KCNS1: variants seen among roughly 807,000 people sequenced by gnomAD.
KCNS1 encodes the protein delayed-rectifier potassium channel regulatory subunit KCNS1.
KCNS1 carries 26 observed loss-of-function variants against 33.1 expected under a neutral mutation model. That is an observed-to-expected ratio of 0.79 (90% CI 0.58 to 1.09). The LOEUF is 1.09. KCNS1 is among the 50% of genes least tolerant of loss of function. The pLI is 0.00. For missense variants in KCNS1, 702 were observed against 752.4 expected, an observed-to-expected ratio of 0.93 and a Z score of 0.78; for synonymous variants, 299 against 338.8, an observed-to-expected ratio of 0.88 and a Z score of 1.29.
Position 45,100,950 on chromosome 20 carries a change from T to C in KCNS1, c.-33A>G, listed in dbSNP as rs146001013. The C allele has an allele frequency of 0.017, 2,611 of 152,450 alleles. 21 individuals carry two copies. The highest frequency in any genetic ancestry group is 0.034 in the South Asian group (166 of 4,832). The allele number at this position is 152,450 out of a possible 1,614,324, so 9.4% of individuals were successfully genotyped here. On this transcript the variant is annotated 5_prime_UTR_variant, in exon 1 of 4. Coordinates refer to ENST00000537075, the MANE Select transcript of KCNS1 (RefSeq NM_001322799.2). ...GGTGGCACCTCCCGGGCGCCTCGCG[T>C]GTCTGTCCCAAAGCCACCGAGGCTG...
At position 45,094,019 on chromosome 20, in the gene KCNS1, T is replaced by TCTTG. The variant is rs1287319959; in HGVS notation, c.*847_*850dup. 3 of 152,286 alleles carry TCTTG rather than the reference T, an allele frequency of 2.0e-5. No individual in the cohort carries two copies. Among genetic ancestry groups the TCTTG allele is most frequent in the Non-Finnish European group, 4.4e-5 (3 of 68,102 alleles). The allele number at this position is 152,286 out of a possible 1,614,324, so 9.4% of individuals were successfully genotyped here. ...GGATTGGACCACTTTACACAGCAGG[T>TCTTG]CTTGGCGCAGCTAGGTTGTCTAGAT... On this transcript the variant is annotated 3_prime_UTR_variant, in exon 4 of 4. Transcript: ENST00000537075.
rs111358629 is a variant in KCNS1, at chr20:45,096,532, C to A, written c.1110+1130G>T. ...CAGTATCCTGAGGGCATACAAGAGG[C>A]TTTACTAAGCCATGGGTGGAAGGGA... On this transcript the variant is annotated intron_variant, in intron 3 of 3. Transcript: ENST00000537075. Among the ~76,000 whole-genome samples the A allele has an allele frequency of 2.6e-5, 4 of 152,274 alleles. 1 individual carries two copies. Among genetic ancestry groups the A allele is most frequent in the African/African-American group, 9.6e-5 (4 of 41,536 alleles).
chr20:45,096,178 G>T (rs1981179089), intron 3 of KCNS1, among the ~76,000 whole-genome samples: 1 of 152,210 alleles, frequency 6.6e-6, no homozygotes, highest in Non-Finnish European at 1.5e-5. Context: ...CTTGGGTAGA[G>T]CCAGAGAATC....
intron 3 of KCNS1, among the ~76,000 whole-genome samples, chr20:45,096,956 C>T (rs1285490103): frequency 1.3e-5 from 2 of 152,262 alleles, no homozygotes; most frequent in African/African-American, 4.8e-5. Flanking sequence ...CCTTGCCTCC[C>T]TCTTCAAACC....
chr20:45,099,277 A>G, intron 1 of KCNS1, 38 bp from the exon 2 acceptor site: 1 of 1,097,236 alleles, frequency 9.1e-7, no homozygotes, highest in Non-Finnish European at 1.4e-6. Flanking sequence ...TCAGCCTGCC[A>G]TCGATTTACT....
chr20:45,097,226 C>T (rs1981212625), intron 3 of KCNS1, among the ~76,000 whole-genome samples: 1 of 152,216 alleles, frequency 6.6e-6, no homozygotes, highest in African/African-American at 2.4e-5. Context: ...TGGGGCTATT[C>T]CTAGACTTTA....
chr20:45,093,294 A>G lies in KCNS1; in HGVS notation c.*1576T>C, dbSNP rs888747423. The G allele has an allele frequency of 1.2e-4, 19 of 152,152 alleles. No individual in the cohort carries two copies. Among genetic ancestry groups the G allele is most frequent in the African/African-American group, 4.6e-4 (19 of 41,432 alleles). The allele number at this position is 152,152 out of a possible 1,614,324, so 9.4% of individuals were successfully genotyped here. A position where few individuals can be genotyped will look rare whatever the true frequency, so the allele number is the denominator to read the frequency against. On this transcript the variant is annotated 3_prime_UTR_variant, in exon 4 of 4. Transcript: ENST00000537075. ...GAAGAACCTACAAGGAATATATTGT[A>G]AAAACTTCAAGAACCAAGCAGGGAC...
At position 45,095,168 on chromosome 20, in the gene KCNS1, A is replaced by G. The variant is rs753235667; in HGVS notation, c.1283T>C (p.Val428Ala). ...SMTTVGYGDV[V>A]PVTVAGKLAA... ...CAGCTTGCCAGCCACCGTCACTGGC[A>G]CCACATCCCCATAGCCCACGGTGGT... is the stretch of plus-strand genomic sequence containing the variant. Residue 428 changes from valine (V) to alanine (A), a missense_variant, in exon 4 of 4, where the codon GTG (valine) becomes GCG (alanine). This residue lies in a region of KCNS1 where 253 missense variants were observed against 327.4 expected (regional missense o/e 0.77). Transcript: ENST00000537075. 1 of 1,614,060 alleles carries G rather than the reference A, an allele frequency of 6.2e-7. No homozygotes were observed. The highest frequency in any genetic ancestry group is 1.7e-5 in the Admixed American group (1 of 60,022).
chr20:45,098,556 C>G lies in KCNS1; in HGVS notation c.216G>C (p.Pro72=), dbSNP rs780395600. ...CCTGCAGGCGGCCCAGCCGCGTGCC[C>G]GGGAAGCGCGCCAGGGCGCGCGCGC... ...QLSARALARF[P]GTRLGRLQAA... Residue 72 remains proline (P), a synonymous_variant, in exon 3 of 4, where the codon CCG becomes CCC. Transcript: ENST00000537075. The surrounding 1 kb of genome is among the most constrained non-coding windows in gnomAD (Gnocchi z 5.2). The G allele has an allele frequency of 7.1e-7, 1 of 1,403,792 alleles. No homozygotes were observed. The highest frequency in any genetic ancestry group is 9.3e-7 in the Non-Finnish European group (1 of 1,077,336). 87.0% of individuals were successfully genotyped at this position (1,403,792 alleles called of 1,614,324 possible). A position where few individuals can be genotyped will look rare whatever the true frequency, so the allele number is the denominator to read the frequency against.
Position 45,095,351 on chromosome 20 carries a change from A to C in KCNS1, c.1111-11T>G, listed in dbSNP as rs781335617. ...CTCACGGTAGCTGTGCTGAAAGAGA[A>C]TGTAGAAAGCCAAGTCAGAGTGGAT... On this transcript the variant is annotated splice_polypyrimidine_tract_variant and intron_variant, in intron 3 of 3. Transcript: ENST00000537075. 6.2e-7 allele frequency: 1 copy of C among 1,606,720 alleles called. No homozygotes were observed. Among genetic ancestry groups the C allele is most frequent in the Admixed American group, 1.7e-5 (1 of 59,712 alleles).
intron 3 of KCNS1, among the ~76,000 whole-genome samples, chr20:45,096,053 T>C (rs770203299): frequency 2.0e-5 from 3 of 152,322 alleles, no homozygotes. Flanking sequence ...AAGAATTACC[T>C]GGTCCCAAAT....
rs1981306562 is a variant in KCNS1, at chr20:45,098,866, T to G, written c.77-171A>C. On this transcript the variant is annotated intron_variant, in intron 2 of 3. Transcript: ENST00000537075. The surrounding 1 kb of genome is among the most constrained non-coding windows in gnomAD (Gnocchi z 5.2). ...TGTCAGGTGCCCTCTGGACTCAGAG[T>G]CAGGCCTGGCTTTGACTATCCTTCA... 6.6e-6 allele frequency among the ~76,000 whole-genome samples: 1 copy of G among 151,892 alleles called. No homozygotes were observed. Among genetic ancestry groups the G allele is most frequent in the African/African-American group, 2.4e-5 (1 of 41,354 alleles).
chr20:45,098,551 G>C lies in KCNS1; in HGVS notation c.221C>G (p.Thr74Arg), dbSNP rs1336591761. ...CGCGGCCTGCAGGCGGCCCAGCCGC[G>C]TGCCCGGGAAGCGCGCCAGGGCGCG... ...SARALARFPGTRLGRLQAAAS... is the reference protein window; with the variant it reads ...SARALARFPGRRLGRLQAAAS... The change falls in exon 3 of 4, where the codon ACG becomes AGG. Residue 74 changes from threonine to arginine, a missense_variant. Thr to Arg is a moderately conservative substitution (Grantham distance 71, BLOSUM62 -1). Transcript: ENST00000537075. The surrounding 1 kb of genome is among the most constrained non-coding windows in gnomAD (Gnocchi z 5.2). 2.1e-6 allele frequency: 3 copies of C among 1,417,006 alleles called. No homozygotes were observed. Among genetic ancestry groups the C allele is most frequent in the Admixed American group, 3.0e-5 (1 of 33,220 alleles). The allele number at this position is 1,417,006 out of a possible 1,614,324, so 87.8% of individuals were successfully genotyped here.
rs754561692 is a variant in KCNS1 at position 45,094,144 on chromosome 20, G to A, written c.*726C>T. 2 of 152,196 alleles carry A rather than the reference G, an allele frequency of 1.3e-5. No homozygotes were observed. Among genetic ancestry groups the A allele is most frequent in the Admixed American group, 6.5e-5 (1 of 15,276 alleles). The allele number at this position is 152,196 out of a possible 1,614,324, so 9.4% of individuals were successfully genotyped here. On this transcript the variant is annotated 3_prime_UTR_variant, in exon 4 of 4. Transcript: ENST00000537075. ...GCAAATCTTGCATACCAGCTAAAGA[G>A]GCAAGTACAATGCTATGGTACTTCC...
intron 3 of KCNS1, among the ~76,000 whole-genome samples, chr20:45,096,255 C>T (rs977837437): frequency 2.6e-5 from 4 of 152,122 alleles, no homozygotes; most frequent in African/African-American, 7.2e-5. Context: ...CTTTGAGTAG[C>T]AAGGCTCTCA....
chr20:45,095,394 A>G, intron 3 of KCNS1, 54 bp from the exon 4 acceptor site: 2 of 1,480,780 alleles, frequency 1.4e-6, no homozygotes, highest in Non-Finnish European at 1.8e-6. Flanking sequence ...CAGTCCTGGT[A>G]TTAGGCATAT....
chr20:45,097,275 T>C (rs182411118), intron 3 of KCNS1, among the ~76,000 whole-genome samples: 27 of 152,378 alleles, frequency 1.8e-4, no homozygotes, highest in African/African-American at 6.3e-4. Context: ...AGCCCCCTGA[T>C]AGTGCCAGAA....
chr20:45,098,207 G>C lies in KCNS1; in HGVS notation c.565C>G (p.Arg189Gly), dbSNP rs751113930. The change falls in exon 3 of 4, where the codon CGA becomes GGA. Residue 189 changes from arginine to glycine, a missense_variant. By Grantham distance (125) the Arg-to-Gly change is moderately radical. Coordinates refer to ENST00000537075, the MANE Select transcript of KCNS1 (RefSeq NM_001322799.2). The surrounding 1 kb of genome is among the most constrained non-coding windows in gnomAD (Gnocchi z 5.2). ...PCPDEISDVQ[R>G]ELARYGAARC... The stretch of plus-strand genomic sequence containing the variant: ...GCCGCGCCATAGCGCGCCAGTTCTC[G>C]CTGCACGTCGGAGATCTCGTCGGGG... The C allele has an allele frequency of 6.2e-7, 1 of 1,604,940 alleles. No individual in the cohort carries two copies. Among genetic ancestry groups the C allele is most frequent in the South Asian group, 1.1e-5 (1 of 90,046 alleles).
intron 1 of KCNS1, 45 bp downstream of exon 1, chr20:45,100,876 G>C (rs879677390): frequency 1.3e-5 from 2 of 152,570 alleles, no homozygotes; most frequent in South Asian, 2.1e-4. Context: ...CTGGCTGCCC[G>C]GGACCGTCCC....
Sources: gnomAD v4.1 joint callset for allele counts (sites outside exome capture counted in the v4.1 genomes callset) on GRCh38, gnomAD v4.1.1 for gene constraint, gnomAD v4.1.1 regional missense constraint, Gnocchi (gnomAD v3.1) non-coding constraint, MANE v1.5 for transcripts, NCBI Gene and HGNC (gene_info 2026-07-23, HGNC 2026-07-21) for gene names.